The following SRRM5 variants were observed in gnomAD, a reference collection of about 807,000 sequenced individuals.
The protein encoded by SRRM5 is serine/arginine repetitive matrix 5, also known as serine/arginine repetitive matrix protein 5.
Under a neutral mutation model 1.3 loss-of-function variants are expected in SRRM5, and 1 was observed. That is an observed-to-expected ratio of 0.76 (90% CI 0.27 to 3.59). The LOEUF (loss-of-function observed/expected upper bound fraction) is 3.59. Among genes scored for constraint, SRRM5 ranks in the 30% most tolerant of loss-of-function variants. SRRM5 has a pLI of 0.19. For missense variants in SRRM5, 875 were observed against 914.5 expected, an observed-to-expected ratio of 0.96 and a Z score of 0.56; for synonymous variants, 275 against 320.2, an observed-to-expected ratio of 0.86 and a Z score of 1.51.
rs781259151 is a variant in SRRM5, at chr19:43,614,320, C to G, written c.*51C>G. The G allele has an allele frequency of 6.9e-6, 11 of 1,589,718 alleles. No individual in the cohort carries two copies. Among genetic ancestry groups the G allele is most frequent in the Non-Finnish European group, 8.6e-6 (10 of 1,168,238 alleles). ...TCTCTGTCATGACCGGGGGAGGGGA[C>G]AGGAGACAGGAGCAGAGCAGCAGCT... On this transcript the variant is annotated 3_prime_UTR_variant, in exon 1 of 1. Transcript: ENST00000417606.
At position 43,614,065 on chromosome 19, in the gene SRRM5, A is replaced by G; in HGVS notation, c.1944A>G (p.Arg648=). The G allele has an allele frequency of 3.2e-6, 5 of 1,554,920 alleles. No homozygotes were observed. The highest frequency in any genetic ancestry group is 4.4e-6 in the Non-Finnish European group (5 of 1,148,844). Residue 648 remains arginine (R), a synonymous_variant, in exon 1 of 1, where the codon AGA becomes AGG. Transcript: ENST00000417606. ...ESDPSQSTVP[R]SPDWKRSPTR... is the part of the protein sequence containing the mutation. ...ACCCCAGTCAATCTACAGTCCCCAG[A>G]AGTCCCGACTGGAAGAGATCCCCTA...
chr19:43,614,018 A>G lies in SRRM5; in HGVS notation c.1897A>G (p.Arg633Gly), dbSNP rs1973344367. ...CAAAGAAGGAAATCATAGCCAATCT[A>G]GAACCTCTAGCAAGGAGAGCGACCC... The part of the protein sequence containing the change: ...PSKEGNHSQS[R>G]TSSKESDPSQ... Residue 633 changes from arginine (R) to glycine (G), a missense_variant, in exon 1 of 1, where the codon AGA becomes GGA. Coordinates refer to ENST00000417606, the MANE Select transcript of SRRM5 (RefSeq NM_001145641.2). 1.9e-6 allele frequency: 3 copies of G among 1,551,792 alleles called. No homozygotes were observed. Among genetic ancestry groups the G allele is most frequent in the Non-Finnish European group, 2.6e-6 (3 of 1,146,984 alleles).
chr19:43,612,236 A>G lies in SRRM5; in HGVS notation c.115A>G (p.Thr39Ala), dbSNP rs1043526735. The change falls in exon 1 of 1, where the codon ACA becomes GCA. Residue 39 changes from threonine (T) to alanine (A), a missense_variant. Thr to Ala is a moderately conservative substitution (Grantham distance 58). Coordinates refer to ENST00000417606, the MANE Select transcript of SRRM5 (RefSeq NM_001145641.2). The surrounding 1 kb of genome is among the most constrained non-coding windows in gnomAD (Gnocchi z 4.2). ...CTCCTTGAAGTCCACCAAATCAGCA[A>G]CACCCAACAGATCCTTAGTGCCCAC... ...PASLKSTKSA[T>A]PNRSLVPTKP... 6.4e-7 allele frequency: 1 copy of G among 1,551,510 alleles called. No homozygotes were observed. The highest frequency in any genetic ancestry group is 1.4e-5 in the African/African-American group (1 of 73,002).
Position 43,614,242 on chromosome 19 carries a change from TTCA to T in SRRM5, c.2127_2129del (p.Ser712del), listed in dbSNP as rs1334341398. On this transcript the variant is annotated inframe_deletion, in exon 1 of 1. Transcript: ENST00000417606. ...AGGCCACCTTACCTGGGGAAAGGTC[TTCA>T]TCATCTTCTTCCAAGCTGGCGTAGC... The T allele has an allele frequency of 6.2e-7, 1 of 1,614,046 alleles. No individual in the cohort carries two copies. The highest frequency in any genetic ancestry group is 8.5e-7 in the Non-Finnish European group (1 of 1,180,008).
At position 43,614,247 on chromosome 19, in the gene SRRM5, C is replaced by T. The variant is rs1463907009; in HGVS notation, c.2126C>T (p.Ser709Leu). Residue 709 changes from serine to leucine, a missense_variant, in exon 1 of 1, where the codon TCA (serine) becomes TTA (leucine). Physicochemically the swap from Ser to Leu is moderately radical, Grantham distance 145. Transcript: ENST00000417606. Reference sequence around the variant, plus strand: ...ACCTTACCTGGGGAAAGGTCTTCATCATCTTCTTCCAAGCTGGCGTAGCCC... The same window carrying T: ...ACCTTACCTGGGGAAAGGTCTTCATTATCTTCTTCCAAGCTGGCGTAGCCC... Reference protein sequence around the residue: ...KATLPGERSSSSSSKLA With the variant: ...KATLPGERSSLSSSKLA 1.9e-6 allele frequency: 3 copies of T among 1,613,988 alleles called. No individual in the cohort carries two copies. The South Asian group carries it at 3.3e-5, about 18-fold the overall frequency.
At position 43,613,409 on chromosome 19, in the gene SRRM5, A is replaced by G; in HGVS notation, c.1288A>G (p.Ser430Gly). The change falls in exon 1 of 1, where the codon AGT becomes GGT. Residue 430 changes from serine (S) to glycine (G), a missense_variant. Transcript: ENST00000417606. ...GGCGAGAGATCGCAGCCGATCTAGA[A>G]GTCCCAACAAGGCGAGAGATTGCAG... is the stretch of plus-strand genomic sequence containing the variant. The part of the protein sequence containing the change: ...YKARDRSRSR[S>G]PNKARDCSRS... The G allele has an allele frequency of 1.3e-6, 2 of 1,531,222 alleles. No individual in the cohort carries two copies. The highest frequency in any genetic ancestry group is 1.8e-6 in the Non-Finnish European group (2 of 1,132,578). The allele number at this position is 1,531,222 out of a possible 1,614,324, so 94.9% of individuals were successfully genotyped here.
chr19:43,613,961 G>A lies in SRRM5; in HGVS notation c.1840G>A (p.Glu614Lys), dbSNP rs562059159. 40 of 1,551,718 alleles carry A rather than the reference G, an allele frequency of 2.6e-5. No homozygotes were observed. In the African/African-American group the frequency reaches 4.8e-4, roughly 19 times the overall value. The change falls in exon 1 of 1, where the codon GAG becomes AAG. Residue 614 changes from glutamate (E) to lysine (K), a missense_variant. Physicochemically the swap from Glu to Lys is moderately conservative, Grantham distance 56 (BLOSUM62 1). Transcript: ENST00000417606. ...CAGTCGACCTAGAGCCTCCAGCAAG[G>A]AGAAAGCTCATAGCCGATCTAGAAC... ...GYSRPRASSKEKAHSRSRTPS... is the reference protein window; with the variant it reads ...GYSRPRASSKKKAHSRSRTPS...
chr19:43,612,489 C>T lies in SRRM5; in HGVS notation c.368C>T (p.Thr123Ile). Residue 123 changes from threonine (T) to isoleucine (I), a missense_variant, in exon 1 of 1, where the codon ACA becomes ATA. Physicochemically the swap from Thr to Ile is moderately conservative, Grantham distance 89. Coordinates refer to ENST00000417606, the MANE Select transcript of SRRM5 (RefSeq NM_001145641.2). This position sits in a 1 kb window ranked among gnomAD's most constrained non-coding sequence, Gnocchi z 4.2. ...QRRGTHSRGR[T>I]PGRRGSRSSK... ...AGGGGCACACACAGCCGGGGTAGGA[C>T]ACCTGGCAGAAGGGGAAGCCGCAGC... 1 of 1,551,418 alleles carries T rather than the reference C, an allele frequency of 6.4e-7. No individual in the cohort carries two copies. The highest frequency in any genetic ancestry group is 2.4e-5 in the East Asian group (1 of 40,914).
At position 43,613,627 on chromosome 19, in the gene SRRM5, C is replaced by T. The variant is rs1054639358; in HGVS notation, c.1506C>T (p.Ser502=). The T allele has an allele frequency of 3.9e-6, 6 of 1,548,554 alleles. No homozygotes were observed. Among genetic ancestry groups the T allele is most frequent in the East Asian group, 4.9e-5 (2 of 40,802 alleles). The change falls in exon 1 of 1, where the codon AGC becomes AGT. Residue 502 remains serine, a synonymous_variant. Coordinates refer to ENST00000417606, the MANE Select transcript of SRRM5 (RefSeq NM_001145641.2). ...SKERDHRRSR[S]PSKERQCRQS... ...AGAGAGATCACAGACGATCTAGAAG[C>T]CCCAGCAAGGAGAGACAGTGCAGAC...
In SRRM5 at chr19:43,612,301, C is replaced by G. The variant is rs901061922; in HGVS notation, c.180C>G (p.Ser60Arg). The change falls in exon 1 of 1, where the codon AGC becomes AGG. Residue 60 changes from serine to arginine, a missense_variant. Transcript: ENST00000417606. This position sits in a 1 kb window ranked among gnomAD's most constrained non-coding sequence, Gnocchi z 4.2. ...ATSRNSVMSP[S>R]SSKSTKSTST... ...CCCGTAACTCAGTCATGAGCCCAAG[C>G]AGTTCCAAGTCCACCAAATCGACCA... is the stretch of plus-strand genomic sequence containing the variant. 2 of 1,551,748 alleles carry G rather than the reference C, an allele frequency of 1.3e-6. No individual in the cohort carries two copies. Among genetic ancestry groups the G allele is most frequent in the Non-Finnish European group, 1.7e-6 (2 of 1,147,004 alleles).
rs1227453471 is a variant in SRRM5, at chr19:43,613,988, C to T, written c.1867C>T (p.Pro623Ser). 5.2e-6 allele frequency: 8 copies of T among 1,551,682 alleles called. No individual in the cohort carries two copies. Among genetic ancestry groups the T allele is most frequent in the Non-Finnish European group, 7.0e-6 (8 of 1,146,994 alleles). Residue 623 changes from proline to serine, a missense_variant, in exon 1 of 1, where the codon CCC becomes TCC. Coordinates refer to ENST00000417606, the MANE Select transcript of SRRM5 (RefSeq NM_001145641.2). ...KEKAHSRSRT[P>S]SKEGNHSQSR... is the part of the protein sequence containing the mutation. ...GAAAGCTCATAGCCGATCTAGAACC[C>T]CCAGCAAAGAAGGAAATCATAGCCA...
Position 43,613,371 on chromosome 19 carries a change from G to T in SRRM5, c.1250G>T (p.Arg417Ile). 12 of 1,550,020 alleles carry T rather than the reference G, an allele frequency of 7.7e-6. No individual in the cohort carries two copies. The highest frequency in any genetic ancestry group is 1.0e-5 in the Non-Finnish European group (12 of 1,146,420). Residue 417 changes from arginine (R) to isoleucine (I), a missense_variant, in exon 1 of 1, where the codon AGA (arginine) becomes ATA (isoleucine). By Grantham distance (97) the Arg-to-Ile change is moderately conservative. Transcript: ENST00000417606. ...AAGGCGAGAGATCGCAGCCGATCTA[G>T]AAGTCCCTACAAGGCGAGAGATCGC... ...PNKARDRSRSRSPYKARDRSR... is the reference protein window; with the variant it reads ...PNKARDRSRSISPYKARDRSR...
Position 43,613,938 on chromosome 19 carries a change from G to T in SRRM5, c.1817G>T (p.Ser606Ile), listed in dbSNP as rs1455821904. The T allele has an allele frequency of 9.0e-6, 14 of 1,551,552 alleles. No homozygotes were observed. The highest frequency in any genetic ancestry group is 1.2e-5 in the Non-Finnish European group (14 of 1,147,004). Residue 606 changes from serine (S) to isoleucine (I), a missense_variant, in exon 1 of 1, where the codon AGT becomes ATT. Physicochemically the swap from Ser to Ile is moderately radical, Grantham distance 142. Coordinates refer to ENST00000417606, the MANE Select transcript of SRRM5 (RefSeq NM_001145641.2). ...AGCCCCAATAAGCAGAGTGGTTACAGTCGACCTAGAGCCTCCAGCAAGGAG... is the reference window on the plus strand; with the variant it reads ...AGCCCCAATAAGCAGAGTGGTTACATTCGACCTAGAGCCTCCAGCAAGGAG... Reference protein sequence around the residue: ...SRSPNKQSGYSRPRASSKEKA... With the variant: ...SRSPNKQSGYIRPRASSKEKA...
Position 43,614,117 on chromosome 19 carries a change from A to G in SRRM5, c.1996A>G (p.Arg666Gly), listed in dbSNP as rs756498448. ...PTRTSSLSQNRTPSKTSSHSP... is the reference protein window; with the variant it reads ...PTRTSSLSQNGTPSKTSSHSP... The stretch of plus-strand genomic sequence containing the variant: ...TAGGACAAGCAGTCTCAGTCAGAAT[A>G]GAACCCCTAGCAAGACAAGCAGCCA... Residue 666 changes from arginine (R) to glycine (G), a missense_variant, in exon 1 of 1, where the codon AGA becomes GGA. Transcript: ENST00000417606. The G allele has an allele frequency of 2.5e-6, 4 of 1,599,156 alleles. No individual in the cohort carries two copies. The East Asian group carries it at 9.0e-5, about 36-fold the overall frequency.
Position 43,613,636 on chromosome 19 carries a change from G to A in SRRM5, c.1515G>A (p.Lys505=). The part of the protein sequence containing the change: ...RDHRRSRSPS[K]ERQCRQSRSS... The stretch of plus-strand genomic sequence containing the variant: ...ACAGACGATCTAGAAGCCCCAGCAA[G>A]GAGAGACAGTGCAGACAATCTAGAA... The change falls in exon 1 of 1, where the codon AAG becomes AAA. Residue 505 remains lysine, a synonymous_variant. Transcript: ENST00000417606. 6.5e-7 allele frequency: 1 copy of A among 1,548,672 alleles called. No homozygotes were observed. The highest frequency in any genetic ancestry group is 1.7e-4 in the Middle Eastern group (1 of 5,988).
At position 43,614,164 on chromosome 19, in the gene SRRM5, T is replaced by G. The variant is rs1973347081; in HGVS notation, c.2043T>G (p.Ser681Arg). 2 of 1,613,872 alleles carry G rather than the reference T, an allele frequency of 1.2e-6. No homozygotes were observed. Among genetic ancestry groups the G allele is most frequent in the African/African-American group, 2.7e-5 (2 of 74,900 alleles). Residue 681 changes from serine to arginine, a missense_variant, in exon 1 of 1, where the codon AGT becomes AGG. Ser to Arg is a moderately radical substitution (Grantham distance 110). Coordinates refer to ENST00000417606, the MANE Select transcript of SRRM5 (RefSeq NM_001145641.2). ...TSSHSPSTFPSGGQTLSQDDS... is the reference protein window; with the variant it reads ...TSSHSPSTFPRGGQTLSQDDS... Reference sequence around the variant, plus strand: ...GCCACTCCCCATCAACATTTCCCAGTGGGGGCCAAACCCTAAGCCAGGATG... The same window carrying G: ...GCCACTCCCCATCAACATTTCCCAGGGGGGGCCAAACCCTAAGCCAGGATG...
chr19:43,614,261 C>A lies in SRRM5; in HGVS notation c.2140C>A (p.Leu714Met). 1 of 1,613,712 alleles carries A rather than the reference C, an allele frequency of 6.2e-7. No individual in the cohort carries two copies. Residue 714 changes from leucine (L) to methionine (M), a missense_variant, in exon 1 of 1, where the codon CTG becomes ATG. Physicochemically the swap from Leu to Met is conservative, Grantham distance 15. Coordinates refer to ENST00000417606, the MANE Select transcript of SRRM5 (RefSeq NM_001145641.2). The part of the protein sequence containing the change: ...GERSSSSSSK[L>M]A Reference sequence around the variant, plus strand: ...AAGGTCTTCATCATCTTCTTCCAAGCTGGCGTAGCCCCCAGTCTCAGCTGG... The same window carrying A: ...AAGGTCTTCATCATCTTCTTCCAAGATGGCGTAGCCCCCAGTCTCAGCTGG...
Position 43,612,840 on chromosome 19 carries a change from G to A in SRRM5, c.719G>A (p.Arg240Lys), listed in dbSNP as rs1320671067. Residue 240 changes from arginine to lysine, a missense_variant, in exon 1 of 1, where the codon AGG (arginine) becomes AAG (lysine). By Grantham distance (26) the Arg-to-Lys change is conservative (BLOSUM62 2). Transcript: ENST00000417606. The surrounding 1 kb of genome is among the most constrained non-coding windows in gnomAD (Gnocchi z 4.2). ...GACAACCCATCTCCATCCTCATCAA[G>A]GAAGGTGAAGAGCTACGGTCAGATG... ...KSDNPSPSSS[R>K]KVKSYGQMII... The A allele has an allele frequency of 2.6e-6, 4 of 1,551,536 alleles. No individual in the cohort carries two copies. Among genetic ancestry groups the A allele is most frequent in the Admixed American group, 3.9e-5 (2 of 50,972 alleles).
At position 43,612,820 on chromosome 19, in the gene SRRM5, C is replaced by G; in HGVS notation, c.699C>G (p.Asn233Lys). 1 of 1,551,634 alleles carries G rather than the reference C, an allele frequency of 6.4e-7. No individual in the cohort carries two copies. The highest frequency in any genetic ancestry group is 8.7e-7 in the Non-Finnish European group (1 of 1,146,962). ...TGIPSKEKSD[N>K]PSPSSSRKVK... The stretch of plus-strand genomic sequence containing the variant: ...TTCCCTCCAAGGAGAAGAGTGACAA[C>G]CCATCTCCATCCTCATCAAGGAAGG... Residue 233 changes from asparagine to lysine, a missense_variant, in exon 1 of 1, where the codon AAC (asparagine) becomes AAG (lysine). Asn to Lys is a moderately conservative substitution (Grantham distance 94, BLOSUM62 0). Transcript: ENST00000417606. This position sits in a 1 kb window ranked among gnomAD's most constrained non-coding sequence, Gnocchi z 4.2.
Sources: allele counts gnomAD v4.1 joint callset, GRCh38; gene constraint gnomAD v4.1.1; non-coding constraint Gnocchi (gnomAD v3.1); transcripts MANE v1.5; gene names NCBI Gene and HGNC (gene_info 2026-07-23, HGNC 2026-07-21).